The following NFATC3 variants were observed in gnomAD, a reference collection of about 807,000 sequenced individuals.
The protein encoded by NFATC3 is nuclear factor of activated T cells 3.
In NFATC3, 46 loss-of-function variants were observed where a neutral mutation model predicts 98.6. That is an observed-to-expected ratio of 0.47 (90% CI 0.37 to 0.60). The LOEUF (loss-of-function observed/expected upper bound fraction) is 0.60. Among genes scored for constraint, NFATC3 ranks in the 20% least tolerant of loss-of-function variants. The pLI is 0.00. For missense variants in NFATC3, 1,256 were observed against 1,295.5 expected (o/e 0.97, Z 0.47); for synonymous variants, 512 against 472.2 (o/e 1.08, Z -1.09).
At chr16:68,217,009 T>C (rs2041665467) in intron 9 of NFATC3, among the ~76,000 whole-genome samples, 1 of 152,136 alleles carries the variant, frequency 6.6e-6, no homozygotes, top group Admixed American at 6.6e-5. Flanking sequence ...GTGAAGGATA[T>C]CTTCAAATCG....
At position 68,226,414 on chromosome 16, in the gene NFATC3, G is replaced by A; in HGVS notation, c.3171G>A (p.Arg1057=). ...TTTCCCAAGGAGCAGGGGTGAGCAGGCAGGCTCCCCTCCCGAGTCCTGAGT... is the reference window on the plus strand; with the variant it reads ...TTTCCCAAGGAGCAGGGGTGAGCAGACAGGCTCCCCTCCCGAGTCCTGAGT... ...ISVSQGAGVS[R]QAPLPSPESL... is the part of the protein sequence containing the mutation. The change falls in exon 10 of 10, where the codon AGG becomes AGA. Residue 1057 remains arginine (R), a synonymous_variant. Coordinates refer to ENST00000346183, the MANE Select transcript of NFATC3 (RefSeq NM_173165.3). 1 of 1,570,722 alleles carries A rather than the reference G, an allele frequency of 6.4e-7. No individual in the cohort carries two copies. Among genetic ancestry groups the A allele is most frequent in the African/African-American group, 1.4e-5 (1 of 71,726 alleles).
chr16:68,160,034 C>T (rs1194859894), intron 4 of NFATC3, among the ~76,000 whole-genome samples: 1 of 151,838 alleles, frequency 6.6e-6, no homozygotes, highest in Non-Finnish European at 1.5e-5. Context: ...GCTGAGATCA[C>T]TCCATTGCAT....
Position 68,228,618 on chromosome 16 carries a change from T to G in NFATC3, c.*2147T>G, listed in dbSNP as rs1280169763. ...TGTATACTATGTAAGCAGTTTTATA[T>G]CAGCTTTGTAAAAGCTTTGGTGTTA... On this transcript the variant is annotated 3_prime_UTR_variant, in exon 10 of 10. Coordinates refer to ENST00000346183, the MANE Select transcript of NFATC3 (RefSeq NM_173165.3). 6.5e-6 allele frequency: 1 copy of G among 152,676 alleles called. No individual in the cohort carries two copies. Among genetic ancestry groups the G allele is most frequent in the Non-Finnish European group, 1.5e-5 (1 of 68,044 alleles). 9.5% of individuals were successfully genotyped at this position (152,676 alleles called of 1,614,324 possible).
chr16:68,172,120 A>AC (rs1395516774), intron 5 of NFATC3, among the ~76,000 whole-genome samples: 3 of 152,156 alleles, frequency 2.0e-5, no homozygotes, highest in African/African-American at 7.2e-5. Context: ...GGCGTGAGCC[A>AC]CCGCGCCTGG....
intron 1 of NFATC3, among the ~76,000 whole-genome samples, chr16:68,118,286 T>C (rs1373065955): frequency 6.6e-6 from 1 of 152,222 alleles, no homozygotes; most frequent in African/African-American, 2.4e-5. Context: ...TTCTACCACT[T>C]AGTAGCACTT....
intron 1 of NFATC3, among the ~76,000 whole-genome samples, chr16:68,115,773 C>T (rs2036245176): frequency 6.6e-6 from 1 of 151,000 alleles, no homozygotes; most frequent in Admixed American, 6.6e-5. Flanking sequence ...TTTTTCTTTT[C>T]CTGTGAGTTG....
At position 68,111,597 on chromosome 16, in the gene NFATC3, T is replaced by C. The variant is rs2035949272; in HGVS notation, c.104-10390T>C. Among the ~76,000 whole-genome samples the C allele has an allele frequency of 2.6e-5, 4 of 152,344 alleles. No homozygotes were observed. The South Asian group carries it at 8.3e-4, about 32-fold the overall frequency. ...AGCCAGCTAACCATTTTGTGTATTT[T>C]AATTGGGGTATTTAGTCCATTTACT... On this transcript the variant is annotated intron_variant, in intron 1 of 9. Transcript: ENST00000346183.
At chr16:68,185,963 C>T (rs1009125529) in intron 8 of NFATC3, among the ~76,000 whole-genome samples, 3 of 150,340 alleles carry the variant, frequency 2.0e-5, no homozygotes, top group Non-Finnish European at 3.0e-5. Flanking sequence ...GAGGATATTA[C>T]ATTTGGGAAT....
rs1234209557 is a variant in NFATC3 at position 68,212,956 on chromosome 16, A to ATTT, written c.3107-13380_3107-13378dup. On this transcript the variant is annotated intron_variant, in intron 9 of 9. Transcript: ENST00000346183. The stretch of plus-strand genomic sequence containing the variant: ...AGGCGCCCGCCACCACGCCTGGCTG[A>ATTT]TTTTTTTTTTTTTTTTGTATTTTTA... Among the ~76,000 whole-genome samples, 456 of 117,596 alleles carry ATTT rather than the reference A, an allele frequency of 3.9e-3. 6 individuals are homozygous for ATTT. The highest frequency in any genetic ancestry group is 0.014 in the African/African-American group (420 of 31,026). The allele number at this position is 117,596 out of a possible 152,430, so 77.1% of individuals were successfully genotyped here. A position where few individuals can be genotyped will look rare whatever the true frequency, so the allele number is the denominator to read the frequency against.
intron 1 of NFATC3, among the ~76,000 whole-genome samples, chr16:68,117,683 T>C (rs1244158284): frequency 6.6e-6 from 1 of 152,094 alleles, no homozygotes; most frequent in Admixed American, 6.6e-5. Flanking sequence ...TGGCTACTTT[T>C]TGTATTTTTA....
At position 68,185,062 on chromosome 16, in the gene NFATC3, A is replaced by G. The variant is rs969884156; in HGVS notation, c.2098+1696A>G. Among the ~76,000 whole-genome samples the G allele has an allele frequency of 4.6e-5, 7 of 151,282 alleles. No individual in the cohort carries two copies. In the South Asian group the frequency reaches 6.3e-4, roughly 14 times the overall value. On this transcript the variant is annotated intron_variant, in intron 8 of 9. Coordinates refer to ENST00000346183, the MANE Select transcript of NFATC3 (RefSeq NM_173165.3). ...AGTGGTGTGATCTTGGCTCACTGCAACCTCCGCCTCCAGGGTTCAAGTTCA... is the reference window on the plus strand; with the variant it reads ...AGTGGTGTGATCTTGGCTCACTGCAGCCTCCGCCTCCAGGGTTCAAGTTCA...
chr16:68,214,832 T>G (rs1031111875), intron 9 of NFATC3, among the ~76,000 whole-genome samples: 2 of 152,140 alleles, frequency 1.3e-5, no homozygotes, highest in Non-Finnish European at 2.9e-5. Context: ...ATTTTGTCCG[T>G]TTTTCAGAGG....
chr16:68,122,435 G>T lies in NFATC3; in HGVS notation c.552G>T (p.Ser184=), dbSNP rs1381219455. Residue 184 remains serine, a synonymous_variant, in exon 2 of 10, where the codon TCG becomes TCT. Coordinates refer to ENST00000346183, the MANE Select transcript of NFATC3 (RefSeq NM_173165.3). ...SWFSDASSCE[S]LSHIYDDVDS... Reference sequence around the variant, plus strand: ...TCTCTGATGCATCTTCTTGTGAATCGCTTTCACATATTTATGATGATGTGG... The same window carrying T: ...TCTCTGATGCATCTTCTTGTGAATCTCTTTCACATATTTATGATGATGTGG... 2 of 1,613,988 alleles carry T rather than the reference G, an allele frequency of 1.2e-6. No individual in the cohort carries two copies. The highest frequency in any genetic ancestry group is 4.5e-5 in the East Asian group (2 of 44,876).
intron 1 of NFATC3, among the ~76,000 whole-genome samples, chr16:68,110,348 G>T (rs1426441698): frequency 7.2e-6 from 1 of 138,692 alleles, no homozygotes; most frequent in African/African-American, 2.7e-5. Flanking sequence ...TCGCTCTGTT[G>T]CCCAGGCTGG....
At chr16:68,174,592 A>G (rs2039603163) in intron 6 of NFATC3, 78 bp downstream of exon 6, 4 of 1,224,682 alleles carry the variant, frequency 3.3e-6, no homozygotes, top group East Asian at 5.5e-5. Flanking sequence ...TTCTGTAACA[A>G]AAATTACAAA....
intron 3 of NFATC3, 145 bp downstream of exon 3, chr16:68,126,755 C>G: frequency 1.5e-6 from 1 of 659,916 alleles, no homozygotes; most frequent in East Asian, 2.7e-5. Flanking sequence ...GTTGATGTGA[C>G]TACACTTGTG....
At chr16:68,162,989 C>T (rs1489441652) in intron 4 of NFATC3, among the ~76,000 whole-genome samples, 2 of 151,742 alleles carry the variant, frequency 1.3e-5, no homozygotes, top group African/African-American at 4.9e-5. Context: ...TTTAACAAAG[C>T]ACATCTTGCA....
intron 3 of NFATC3, among the ~76,000 whole-genome samples, chr16:68,140,983 T>G (rs942572698): frequency 3.3e-5 from 5 of 152,178 alleles, no homozygotes; most frequent in African/African-American, 1.2e-4. Context: ...ATATCCATTA[T>G]ACCACTCTTT....
intron 9 of NFATC3, chr16:68,209,711 T>C: frequency 2.2e-6 from 1 of 462,636 alleles, no homozygotes. Flanking sequence ...GGGGAATGGT[T>C]AGGTCTCTGT....
Sources: allele counts gnomAD v4.1 joint callset (sites outside exome capture counted in the v4.1 genomes callset), GRCh38; gene constraint gnomAD v4.1.1; transcripts MANE v1.5; gene names NCBI Gene and HGNC (gene_info 2026-07-23, HGNC 2026-07-21).